The following CSMD3 variants were observed in gnomAD, a reference collection of about 807,000 sequenced individuals.
CSMD3 encodes the protein CUB and sushi domain-containing protein 3.
In CSMD3, 177 loss-of-function variants were observed where a neutral mutation model predicts 435.2. That is an observed-to-expected ratio of 0.41 (90% confidence interval 0.36 to 0.46). The LOEUF is 0.46. Among genes scored for constraint, CSMD3 ranks in the 20% least tolerant of loss-of-function variants. The pLI is 0.34. For synonymous variants in CSMD3, 1,656 were observed against 1,520.5 expected (o/e 1.09, Z -2.07); for missense variants, 4,265 against 4,504.6 (o/e 0.95, Z 1.52).
chr8:113,045,564 C>T (rs1403030596), intron 5 of CSMD3, among the ~76,000 whole-genome samples: 1 of 149,132 alleles, frequency 6.7e-6, no homozygotes, highest in African/African-American at 2.4e-5. Context: ...AAAAATAAAG[C>T]CAAAGCAAGT....
intron 3 of CSMD3, among the ~76,000 whole-genome samples, chr8:113,276,246 C>T (rs562680530): frequency 1.3e-5 from 2 of 152,194 alleles, no homozygotes; most frequent in African/African-American, 4.8e-5. Context: ...AGGTTAAGGA[C>T]TTTATGATGC....
chr8:113,320,143 T>G (rs2093939359), intron 1 of CSMD3, among the ~76,000 whole-genome samples: 1 of 152,052 alleles, frequency 6.6e-6, no homozygotes, highest in Middle Eastern at 3.2e-3. Context: ...GAAGTAAAAC[T>G]AAATATAGAT....
At chr8:112,283,855 A>ACAGTGTAT (rs1416912836) in intron 58 of CSMD3, among the ~76,000 whole-genome samples, 1 of 151,852 alleles carries the variant, frequency 6.6e-6, no homozygotes, top group East Asian at 1.9e-4. Flanking sequence ...GTAATTAACA[A>ACAGTGTAT]CAGTGTATTG....
intron 28 of CSMD3, among the ~76,000 whole-genome samples, chr8:112,512,214 G>A (rs1393195259): frequency 2.0e-5 from 3 of 152,134 alleles, no homozygotes; most frequent in Non-Finnish European, 4.4e-5. Context: ...CTTTCCAGAA[G>A]GTTTTCAATT....
chr8:113,224,491 A>C (rs770883957), intron 3 of CSMD3, among the ~76,000 whole-genome samples: 3 of 151,334 alleles, frequency 2.0e-5, no homozygotes, highest in Admixed American at 6.6e-5. Context: ...AATAAATGAC[A>C]TTTGTATTTT....
intron 20 of CSMD3, chr8:112,643,669 C>T (rs2074899087): frequency 1.2e-5 from 2 of 164,222 alleles, no homozygotes; most frequent in African/African-American, 2.4e-5. Flanking sequence ...GATAATGGGA[C>T]ACTTTGGTTA....
chr8:113,003,676 G>T (rs1002789941), intron 6 of CSMD3, among the ~76,000 whole-genome samples: 13 of 152,114 alleles, frequency 8.5e-5, no homozygotes, highest in African/African-American at 3.1e-4. Flanking sequence ...GATGCTTTTA[G>T]AAAAGGAAAT....
At chr8:113,305,425 A>G (rs1011942122) in intron 2 of CSMD3, among the ~76,000 whole-genome samples, 3 of 152,172 alleles carry the variant, frequency 2.0e-5, no homozygotes, top group Non-Finnish European at 4.4e-5. Flanking sequence ...TGCTTTTAGG[A>G]TATCAGTGCT....
Position 112,224,778 on chromosome 8 carries a change from A to G in CSMD3, c.11117T>C (p.Met3706Thr). Reference sequence around the variant, plus strand: ...AAGGCAAAGGTTGCCTCGTTATACCATTGTGCAAACCGTGTTCAAGTTGGG... The same window carrying G: ...AAGGCAAAGGTTGCCTCGTTATACCGTTGTGCAAACCGTGTTCAAGTTGGG... ...FDPNLNTVCT[M>T]V Residue 3706 changes from methionine to threonine, a missense_variant, in exon 71 of 71, where the codon ATG becomes ACG. Met to Thr is a moderately conservative substitution (Grantham distance 81). Coordinates refer to ENST00000297405, the MANE Select transcript of CSMD3 (RefSeq NM_198123.2). 2 of 1,614,016 alleles carry G rather than the reference A, an allele frequency of 1.2e-6. No individual in the cohort carries two copies. Among genetic ancestry groups the G allele is most frequent in the Non-Finnish European group, 1.7e-6 (2 of 1,179,898 alleles).
intron 32 of CSMD3, among the ~76,000 whole-genome samples, chr8:112,424,666 CTATTT>C (rs574276208): frequency 6.2e-4 from 95 of 152,144 alleles, no homozygotes; most frequent in Middle Eastern, 3.4e-3. Context: ...TCCCATTCTT[CTATTT>C]TATTTTATTT....
chr8:112,238,866 A>C (rs1195975212), intron 66 of CSMD3, among the ~76,000 whole-genome samples: 2 of 152,058 alleles, frequency 1.3e-5, no homozygotes, highest in African/African-American at 4.8e-5. Flanking sequence ...ATAGCTATGA[A>C]GAATCCAGAT....
chr8:113,105,437 G>A (rs2090447037), intron 4 of CSMD3, among the ~76,000 whole-genome samples: 1 of 152,106 alleles, frequency 6.6e-6, no homozygotes, highest in African/African-American at 2.4e-5. Context: ...TTCTAGAGAG[G>A]AGGAAGCTCT....
At chr8:112,429,190 C>A (rs1182605073) in intron 32 of CSMD3, among the ~76,000 whole-genome samples, 1 of 152,138 alleles carries the variant, frequency 6.6e-6, no homozygotes, top group East Asian at 1.9e-4. Flanking sequence ...ATCTCCCCAC[C>A]TTCCCACCCC....
At chr8:112,804,390 C>T (rs1371569256) in intron 12 of CSMD3, among the ~76,000 whole-genome samples, 1 of 152,080 alleles carries the variant, frequency 6.6e-6, no homozygotes, top group African/African-American at 2.4e-5. Flanking sequence ...GGCATAACCC[C>T]TATTCTGGCC....
intron 6 of CSMD3, among the ~76,000 whole-genome samples, chr8:113,005,297 A>G (rs561821725): frequency 6.6e-6 from 1 of 152,020 alleles, no homozygotes; most frequent in African/African-American, 2.4e-5. Flanking sequence ...GGATTTTTAT[A>G]AAAATAAATA....
intron 10 of CSMD3, among the ~76,000 whole-genome samples, chr8:112,863,084 C>T (rs2129924087): frequency 6.6e-6 from 1 of 152,054 alleles, no homozygotes; most frequent in East Asian, 1.9e-4. Context: ...TCTATAGAAA[C>T]TTCCTGGGTG....
chr8:112,525,486 C>G (rs947447091), intron 27 of CSMD3, among the ~76,000 whole-genome samples: 1 of 149,876 alleles, frequency 6.7e-6, no homozygotes, highest in African/African-American at 2.4e-5. Flanking sequence ...TATGGTGGAC[C>G]GAGGCGGGCG....
At chr8:113,233,448 T>TAA (rs2093112258) in intron 3 of CSMD3, among the ~76,000 whole-genome samples, 1 of 150,868 alleles carries the variant, frequency 6.6e-6, no homozygotes, top group South Asian at 2.1e-4. Context: ...AAACCTTGCA[T>TAA]TTATAAAAAA....
chr8:112,410,624 A>ATATG lies in CSMD3; in HGVS notation c.5396-1593_5396-1592insCATA, dbSNP rs752875755. On this transcript the variant is annotated intron_variant, in intron 32 of 70. Transcript: ENST00000297405. ...TATGTGTATATATATATGTATATATATGTGTATATATATGTATATATATAT... is the reference window on the plus strand; with the variant it reads ...TATGTGTATATATATATGTATATATATATGTGTGTATATATATGTATATATATAT... Among the ~76,000 whole-genome samples the ATATG allele has an allele frequency of 1.2e-4, 4 of 34,104 alleles. 1 individual carries two copies. The highest frequency in any genetic ancestry group is 2.0e-4 in the African/African-American group (2 of 9,842). 22.4% of individuals were successfully genotyped at this position (34,104 alleles called of 152,430 possible).
Sources: gnomAD v4.1 joint callset for allele counts (sites outside exome capture counted in the v4.1 genomes callset) on GRCh38, gnomAD v4.1.1 for gene constraint, MANE v1.5 for transcripts, NCBI Gene and HGNC (gene_info 2026-07-23, HGNC 2026-07-21) for gene names.